ZNF679: variants seen among roughly 807,000 people sequenced by gnomAD.
The protein encoded by ZNF679 is zinc finger protein 679.
ZNF679 carries 10 observed loss-of-function variants against 13.4 expected under a neutral mutation model. The ratio of observed to expected loss-of-function variants is 0.75; its 90% CI spans 0.46 to 1.27. The LOEUF is 1.27. Ranked by LOEUF, ZNF679 falls within the 50% of genes most tolerant of loss-of-function variation. The pLI is 0.00. For synonymous variants in ZNF679, 179 were observed against 162.5 expected (o/e 1.10, Z -0.77); for missense variants, 525 against 477.8 (o/e 1.10, Z -0.92).
chr7:64,236,965 GAAAGAAAGAAA>G (rs1384638871), intron 1 of ZNF679, among the ~76,000 whole-genome samples: 2 of 34,046 alleles, frequency 5.9e-5, no homozygotes, highest in African/African-American at 2.0e-4. Flanking sequence ...AAGAAAGAAA[GAAAGAAAGAAA>G]AAGAAAGAAA....
At chr7:64,236,614 A>G (rs905084961) in intron 1 of ZNF679, among the ~76,000 whole-genome samples, 1 of 151,932 alleles carries the variant, frequency 6.6e-6, no homozygotes, top group Non-Finnish European at 1.5e-5. Context: ...GCGAAACCTC[A>G]TCTCTTAAAA....
intron 1 of ZNF679, among the ~76,000 whole-genome samples, chr7:64,231,739 C>T (rs988646215): frequency 2.6e-5 from 4 of 152,126 alleles, no homozygotes; most frequent in East Asian, 1.9e-4. Flanking sequence ...CTCCTGAAGG[C>T]GGGGCCCAGG....
rs1259861214 is a variant in ZNF679 at position 64,266,671 on chromosome 7, T to C, written c.1038T>C (p.His346=). 6 of 1,613,648 alleles carry C rather than the reference T, an allele frequency of 3.7e-6. No homozygotes were observed. The Middle Eastern group carries it at 4.9e-4, about 133-fold the overall frequency. ...SSTLKKHKII[H]TGEKPYKCKE... is the part of the protein sequence containing the mutation. ...CCCTTAAGAAACATAAGATAATTCA[T>C]ACTGGAGAGAAACCCTACAAATGTA... is the stretch of plus-strand genomic sequence containing the variant. The change falls in exon 5 of 5, where the codon CAT becomes CAC. Residue 346 remains histidine (H), a synonymous_variant. Transcript: ENST00000421025.
chr7:64,233,379 C>G (rs1787666624), intron 1 of ZNF679, among the ~76,000 whole-genome samples: 1 of 151,746 alleles, frequency 6.6e-6, no homozygotes, highest in Non-Finnish European at 1.5e-5. Context: ...GTAGTCCTAG[C>G]TATTGGGAGG....
chr7:64,252,486 A>G (rs1473178783), intron 2 of ZNF679, among the ~76,000 whole-genome samples: 2 of 152,040 alleles, frequency 1.3e-5, no homozygotes, highest in African/African-American at 2.4e-5. Flanking sequence ...CAGGTGTGTT[A>G]TTTTTTGGCT....
intron 2 of ZNF679, among the ~76,000 whole-genome samples, chr7:64,256,573 ATC>A (rs1179741462): frequency 1.0e-4 from 4 of 39,820 alleles, no homozygotes; most frequent in Non-Finnish European, 3.4e-4. Context: ...CCTCACAAGC[ATC>A]TGTTGTTTTG....
At chr7:64,253,668 A>G (rs1310408841) in intron 2 of ZNF679, among the ~76,000 whole-genome samples, 1 of 152,246 alleles carries the variant, frequency 6.6e-6, no homozygotes, top group Non-Finnish European at 1.5e-5. Flanking sequence ...TAAGGATATC[A>G]ATGTTTAGGC....
chr7:64,249,223 T>C lies in ZNF679; in HGVS notation c.39+67T>C, dbSNP rs373495804. 1,119 of 1,613,376 alleles carry C rather than the reference T, an allele frequency of 6.9e-4. 17 individuals are homozygous for C. The East Asian group carries it at 0.023, about 33-fold the overall frequency. ...GGTTGGAACCGGCTGAAAGTGGCTG[T>C]AGCAGGACCCAAACTTCCTCGCAGT... is the stretch of plus-strand genomic sequence containing the variant. On this transcript the variant is annotated intron_variant, in intron 2 of 4. Coordinates refer to ENST00000421025, the MANE Select transcript of ZNF679 (RefSeq NM_153363.3).
At position 64,266,599 on chromosome 7, in the gene ZNF679, A is replaced by G. The variant is rs1386594019; in HGVS notation, c.966A>G (p.Lys322=). The G allele has an allele frequency of 1.2e-6, 2 of 1,604,966 alleles. No homozygotes were observed. The highest frequency in any genetic ancestry group is 1.1e-5 in the South Asian group (1 of 90,758). The change falls in exon 5 of 5, where the codon AAA becomes AAG. Residue 322 remains lysine, a synonymous_variant. Transcript: ENST00000421025. ...ACAAGAGAATTCATACTGGAGAGAA[A>G]CCCTACACATGTGAAGAATGTGGCA... ...TYHKRIHTGE[K]PYTCEECGKA...
chr7:64,249,864 G>C (rs1024723506), intron 2 of ZNF679, among the ~76,000 whole-genome samples: 1 of 151,928 alleles, frequency 6.6e-6, no homozygotes, highest in Non-Finnish European at 1.5e-5. Context: ...TTTTTTGAGA[G>C]GGAGTCTTGC....
At chr7:64,263,859 T>C (rs1788109103) in intron 4 of ZNF679, among the ~76,000 whole-genome samples, 1 of 152,248 alleles carries the variant, frequency 6.6e-6, no homozygotes, top group Admixed American at 6.5e-5. Flanking sequence ...GGTTATTTTC[T>C]ATAGCAATGC....
At chr7:64,257,788 G>A (rs1299457480) in intron 2 of ZNF679, among the ~76,000 whole-genome samples, 3 of 152,164 alleles carry the variant, frequency 2.0e-5, no homozygotes, top group Non-Finnish European at 4.4e-5. Context: ...CAAATGTAGT[G>A]GGTGTAAGGG....
chr7:64,239,829 C>T (rs1196471083), intron 1 of ZNF679, among the ~76,000 whole-genome samples: 1 of 152,146 alleles, frequency 6.6e-6, no homozygotes, highest in African/African-American at 2.4e-5. Context: ...TATTTCTTGG[C>T]TTGTCAACAT....
At chr7:64,240,728 G>T (rs1353576763) in intron 1 of ZNF679, among the ~76,000 whole-genome samples, 1 of 152,202 alleles carries the variant, frequency 6.6e-6, no homozygotes, top group Non-Finnish European at 1.5e-5. Context: ...CACAGGAACA[G>T]TAATGGAACT....
intron 1 of ZNF679, among the ~76,000 whole-genome samples, chr7:64,239,007 A>G (rs1275482455): frequency 6.6e-6 from 1 of 152,162 alleles, no homozygotes; most frequent in African/African-American, 2.4e-5. Context: ...TATGTCACCC[A>G]TGCATATCCA....
At position 64,228,578 on chromosome 7, in the gene ZNF679, C is replaced by A. The variant is rs922163767; in HGVS notation, c.-165C>A. On this transcript the variant is annotated 5_prime_UTR_variant, in exon 1 of 5. It adds an upstream start codon to the 5' untranslated region. Transcript: ENST00000421025. ...GTGAAAGTATACGCCACAATCACAC[C>A]TGCGGGAAGGACCAGGAATAAATTT... 1.3e-5 allele frequency: 2 copies of A among 152,210 alleles called. No individual in the cohort carries two copies. Among genetic ancestry groups the A allele is most frequent in the African/African-American group, 4.8e-5 (2 of 41,454 alleles). The allele number at this position is 152,210 out of a possible 1,614,324, so 9.4% of individuals were successfully genotyped here.
intron 1 of ZNF679, among the ~76,000 whole-genome samples, chr7:64,230,704 G>A (rs1313907261): frequency 2.6e-5 from 4 of 152,174 alleles, no homozygotes; most frequent in Non-Finnish European, 5.9e-5. Context: ...CTGCAGGAAT[G>A]TCCAGAGATT....
chr7:64,246,757 A>T (rs1394630553), intron 1 of ZNF679, among the ~76,000 whole-genome samples: 6 of 151,394 alleles, frequency 4.0e-5, no homozygotes, highest in African/African-American at 1.5e-4. Flanking sequence ...AGAAAGAGAA[A>T]GAAAGGAAGG....
At chr7:64,260,369 A>G in intron 3 of ZNF679, 22 bp downstream of exon 3, 1 of 1,584,358 alleles carries the variant, frequency 6.3e-7, no homozygotes, top group Non-Finnish European at 8.5e-7. Context: ...TTCAATACAC[A>G]ATTCCTAATA....
Sources: gnomAD v4.1 joint callset for allele counts (sites outside exome capture counted in the v4.1 genomes callset) on GRCh38, gnomAD v4.1.1 for gene constraint, MANE v1.5 for transcripts, NCBI Gene and HGNC (gene_info 2026-07-23, HGNC 2026-07-21) for gene names.